TRMT112: variants seen among roughly 807,000 people sequenced by gnomAD.
TRMT112 encodes multifunctional methyltransferase subunit TRM112-like protein.
Under a neutral mutation model 13.8 loss-of-function variants are expected in TRMT112, and 9 were observed. The observed-to-expected ratio is 0.65, with a 90% CI of 0.39 to 1.14. The LOEUF is 1.14. Among genes scored for constraint, TRMT112 ranks in the 50% most tolerant of loss-of-function variants. The probability of loss-of-function intolerance (pLI) is 0.01; values close to 1 mark genes in which losing one functional copy is unlikely to be tolerated. For missense variants in TRMT112, 196 were observed against 165.5 expected, an observed-to-expected ratio of 1.18 and a Z score of -1.01; for synonymous variants, 64 against 67.0, an observed-to-expected ratio of 0.96 and a Z score of 0.22.
At position 64,317,061 on chromosome 11, in the gene TRMT112, C is replaced by A; in HGVS notation, c.267G>T (p.Leu89=). The part of the protein sequence containing the change: ...EFLRTMHHLL[L]EVEVIEGTLQ... ...CAAGTGATGGGCCGCTTCTCACCTC[C>A]AGCAGCAGGTGGTGCATGGTCCTCA... The change falls in exon 3 of 4, where the codon CTG becomes CTT. Residue 89 remains leucine (L), a synonymous_variant. Coordinates refer to ENST00000544844, the MANE Select transcript of TRMT112 (RefSeq NM_016404.3). 1.2e-6 allele frequency: 2 copies of A among 1,614,226 alleles called. No homozygotes were observed. Among genetic ancestry groups the A allele is most frequent in the Non-Finnish European group, 1.7e-6 (2 of 1,180,040 alleles).
At chr11:64,317,998 G>A, upstream of TRMT112, 4 of 1,411,174 alleles carry the variant, frequency 2.8e-6, no homozygotes, top group Non-Finnish European at 3.7e-6. Flanking sequence ...AGTGCCGAAA[G>A]CTCCGCCCCA....
rs1182998472 is a variant in TRMT112, at chr11:64,316,653, C to T, written c.*208G>A. On this transcript the variant is annotated 3_prime_UTR_variant, in exon 4 of 4. Coordinates refer to ENST00000544844, the MANE Select transcript of TRMT112 (RefSeq NM_016404.3). ...CCCAGAGCCCTTGGCTGTACAGAGA[C>T]TCTATTTTAATGTATATTTGCTGCA... is the stretch of plus-strand genomic sequence containing the variant. The T allele has an allele frequency of 1.7e-6, 1 of 573,298 alleles. No homozygotes were observed. Among genetic ancestry groups the T allele is most frequent in the East Asian group, 3.0e-5 (1 of 32,888 alleles). 35.5% of individuals were successfully genotyped at this position (573,298 alleles called of 1,614,324 possible). A position where few individuals can be genotyped will look rare whatever the true frequency, so the allele number is the denominator to read the frequency against.
Position 64,317,557 on chromosome 11 carries a change from C to A in TRMT112, c.-31G>T, listed in dbSNP as rs768404245. 2.0e-6 allele frequency: 3 copies of A among 1,514,872 alleles called. No homozygotes were observed. The highest frequency in any genetic ancestry group is 2.8e-5 in the African/African-American group (2 of 72,612). The allele number at this position is 1,514,872 out of a possible 1,614,324, so 93.8% of individuals were successfully genotyped here. A position where few individuals can be genotyped will look rare whatever the true frequency, so the allele number is the denominator to read the frequency against. On this transcript the variant is annotated 5_prime_UTR_variant, in exon 1 of 4. Coordinates refer to ENST00000544844, the MANE Select transcript of TRMT112 (RefSeq NM_016404.3). ...CGCACAAACTCTCGCCAGGCCGGAA[C>A]CGGAAAAAGGTCGTCCTCCGCTGCC... is the stretch of plus-strand genomic sequence containing the variant.
chr11:64,318,079 G>A, upstream of TRMT112: 3 of 1,451,478 alleles, frequency 2.1e-6, no homozygotes, highest in South Asian at 2.9e-5. Context: ...TGTTCTGCGG[G>A]TGGCCGCTCG....
upstream of TRMT112, chr11:64,318,089 G>A (rs946797783): frequency 1.7e-5 from 25 of 1,459,688 alleles, no homozygotes; most frequent in Non-Finnish European, 2.2e-5. Flanking sequence ...GTGGCCGCTC[G>A]CGCCTGCGCA....
rs1555080304 is a variant in TRMT112 at position 64,317,380 on chromosome 11, A to G, written c.79-15T>C. ...ACCTCGGTGGCCTGCAGGGCGGAGGAGTTTAGGCAAGCACTGGACCCCGGC... is the reference window on the plus strand; with the variant it reads ...ACCTCGGTGGCCTGCAGGGCGGAGGGGTTTAGGCAAGCACTGGACCCCGGC... On this transcript the variant is annotated splice_polypyrimidine_tract_variant and intron_variant, in intron 1 of 3. Coordinates refer to ENST00000544844, the MANE Select transcript of TRMT112 (RefSeq NM_016404.3). 1 of 1,613,966 alleles carries G rather than the reference A, an allele frequency of 6.2e-7. No homozygotes were observed.
chr11:64,318,220 G>C, upstream of TRMT112: 1 of 1,611,692 alleles, frequency 6.2e-7, no homozygotes, highest in South Asian at 1.1e-5. Flanking sequence ...GCGGGTATGG[G>C]ACTAGCTGGC....
Position 64,316,918 on chromosome 11 carries a change from G to A in TRMT112, c.321C>T (p.Phe107=), listed in dbSNP as rs755756533. The change falls in exon 4 of 4, where the codon TTC becomes TTT. Residue 107 remains phenylalanine, a synonymous_variant. Transcript: ENST00000544844. The part of the protein sequence containing the change: ...TLQCPESGRM[F]PISRGIPNML... ...TGTTGGGGATCCCGCGGCTGATGGG[G>A]AACATACGTCCAGATTCCGGGCACT... The A allele has an allele frequency of 6.8e-6, 11 of 1,612,304 alleles. No individual in the cohort carries two copies. The highest frequency in any genetic ancestry group is 1.7e-5 in the Admixed American group (1 of 60,002).
upstream of TRMT112, chr11:64,317,707 G>A (rs2035342309): frequency 2.6e-6 from 2 of 774,836 alleles, no homozygotes; most frequent in African/African-American, 1.8e-5. Flanking sequence ...GTCGGGTCAC[G>A]CGCCGCTACC....
At position 64,317,091 on chromosome 11, in the gene TRMT112, C is replaced by A; in HGVS notation, c.237G>T (p.Glu79Asp). The change falls in exon 3 of 4, where the codon GAG becomes GAT. Residue 79 changes from glutamate to aspartate, a missense_variant. Glu to Asp is a conservative substitution (Grantham distance 45). Coordinates refer to ENST00000544844, the MANE Select transcript of TRMT112 (RefSeq NM_016404.3). ...GPVEGYEENE[E>D]FLRTMHHLLL... ...GCAGGTGGTGCATGGTCCTCAGAAACTCCTCATTCTCCTCATATCCCTCAA... is the reference window on the plus strand; with the variant it reads ...GCAGGTGGTGCATGGTCCTCAGAAAATCCTCATTCTCCTCATATCCCTCAA... 3 of 1,614,180 alleles carry A rather than the reference C, an allele frequency of 1.9e-6. No individual in the cohort carries two copies. Among genetic ancestry groups the A allele is most frequent in the Non-Finnish European group, 2.5e-6 (3 of 1,180,028 alleles).
At chr11:64,317,637 T>A, upstream of TRMT112, 1 of 1,205,932 alleles carries the variant, frequency 8.3e-7, no homozygotes, top group Non-Finnish European at 1.1e-6. Context: ...GAACCGGAAG[T>A]GGCGAACTTG....
upstream of TRMT112, chr11:64,318,394 C>G (rs770507349): frequency 1.3e-6 from 2 of 1,599,958 alleles, no homozygotes; most frequent in Non-Finnish European, 1.7e-6. Flanking sequence ...AAGGTGACCG[C>G]TGGCCCGGCC....
chr11:64,317,997 A>G (rs868368456), upstream of TRMT112: 163 of 1,409,090 alleles, frequency 1.2e-4, no homozygotes, highest in South Asian at 2.4e-3. Flanking sequence ...CAGTGCCGAA[A>G]GCTCCGCCCC....
chr11:64,316,889 AGCATGTTGGGGATCCC>A lies in TRMT112; in HGVS notation c.334_349del (p.Gly112CysfsTer2). On this transcript the variant is annotated frameshift_variant, in exon 4 of 4. Coordinates refer to ENST00000544844, the MANE Select transcript of TRMT112 (RefSeq NM_016404.3). LOFTEE classifies it high-confidence loss of function. ...ACTCTCAGTTTCCTCTTCACTCAGC[AGCATGTTGGGGATCCC>A]GCGGCTGATGGGGAACATACGTCCA... 6.2e-7 allele frequency: 1 copy of A among 1,604,644 alleles called. No homozygotes were observed. Among genetic ancestry groups the A allele is most frequent in the African/African-American group, 1.3e-5 (1 of 74,792 alleles).
At chr11:64,318,182 C>G, upstream of TRMT112, 2 of 1,609,680 alleles carry the variant, frequency 1.2e-6, no homozygotes, top group Non-Finnish European at 1.7e-6. Flanking sequence ...TGGCACCAGC[C>G]AGGAGGCGGA....
upstream of TRMT112, chr11:64,318,270 G>A (rs374200354): frequency 6.2e-7 from 1 of 1,612,464 alleles, no homozygotes; most frequent in Non-Finnish European, 8.5e-7. Flanking sequence ...TATACTCGTC[G>A]GTGGGGCCGG....
chr11:64,318,259 A>C (rs372637504), upstream of TRMT112: 11 of 1,612,180 alleles, frequency 6.8e-6, no homozygotes. Flanking sequence ...TCAGCGGGCT[A>C]TATACTCGTC....
upstream of TRMT112, chr11:64,318,421 A>G (rs200384441): frequency 1.7e-4 from 264 of 1,578,136 alleles, 1 homozygote; most frequent in East Asian, 5.8e-3. Context: ...GACATCCCCC[A>G]CTACCCCCAT....
Position 64,316,523 on chromosome 11 carries a change from C to T in TRMT112, c.*338G>A. 4.0e-6 allele frequency: 1 copy of T among 249,788 alleles called. No homozygotes were observed. Among genetic ancestry groups the T allele is most frequent in the East Asian group, 1.0e-4 (1 of 10,024 alleles). The allele number at this position is 249,788 out of a possible 1,614,324, so 15.5% of individuals were successfully genotyped here. A position where few individuals can be genotyped will look rare whatever the true frequency, so the allele number is the denominator to read the frequency against. On this transcript the variant is annotated 3_prime_UTR_variant, in exon 4 of 4. Transcript: ENST00000544844. ...TTCCCCATCAGCTCCCAACGAGCCT[C>T]CTCAGGGGGTAGGAGAGCACTGCCT...
Sources: gnomAD v4.1 joint callset for allele counts on GRCh38, gnomAD v4.1.1 for gene constraint, MANE v1.5 for transcripts, NCBI Gene and HGNC (gene_info 2026-07-23, HGNC 2026-07-21) for gene names.